The following NXPH1 variants were observed in gnomAD, a reference collection of about 807,000 sequenced individuals.
The protein encoded by NXPH1 is neurexophilin 1.
A neutral mutation model predicts 23.7 loss-of-function variants in NXPH1; 5 were observed. The ratio of observed to expected loss-of-function variants is 0.21; its 90% CI spans 0.11 to 0.44. NXPH1 has a LOEUF of 0.44. Among genes scored for constraint, NXPH1 ranks in the 20% least tolerant of loss-of-function variants. The pLI is 0.99. For missense variants in NXPH1, 324 were observed against 321.6 expected (o/e 1.01, Z -0.06); for synonymous variants, 144 against 122.2 (o/e 1.18, Z -1.18).
intron 2 of NXPH1, among the ~76,000 whole-genome samples, chr7:8,505,200 T>A (rs1232009940): frequency 1.3e-5 from 2 of 152,088 alleles, no homozygotes; most frequent in African/African-American, 4.8e-5. Context: ...GCTGGCTTGA[T>A]ACTTTCTATA....
intron 2 of NXPH1, among the ~76,000 whole-genome samples, chr7:8,506,274 C>T (rs1449379661): frequency 6.6e-6 from 1 of 152,068 alleles, no homozygotes; most frequent in Admixed American, 6.6e-5. Context: ...CAAGGGAAGA[C>T]CAAAGAGTCA....
At chr7:8,705,683 G>A (rs1038131659) in intron 2 of NXPH1, among the ~76,000 whole-genome samples, 1 of 152,088 alleles carries the variant, frequency 6.6e-6, no homozygotes. Context: ...CTTTGGACGT[G>A]GTGCACAGTA....
At chr7:8,525,482 C>G (rs1311747997) in intron 2 of NXPH1, among the ~76,000 whole-genome samples, 2 of 152,192 alleles carry the variant, frequency 1.3e-5, no homozygotes, top group African/African-American at 2.4e-5. Flanking sequence ...AGCAAGGAGC[C>G]TAATGTTAAT....
At chr7:8,584,047 ACTATG>A (rs1375694860) in intron 2 of NXPH1, among the ~76,000 whole-genome samples, 1 of 152,206 alleles carries the variant, frequency 6.6e-6, no homozygotes, top group Non-Finnish European at 1.5e-5. Context: ...TTCAGATATT[ACTATG>A]CATTGGATGC....
chr7:8,609,947 T>C (rs984215996), intron 2 of NXPH1, among the ~76,000 whole-genome samples: 3 of 152,166 alleles, frequency 2.0e-5, no homozygotes, highest in African/African-American at 7.2e-5. Context: ...GAAGAAGGTA[T>C]TGCATTATTA....
At chr7:8,450,063 A>G (rs926654084) in intron 2 of NXPH1, among the ~76,000 whole-genome samples, 5 of 152,252 alleles carry the variant, frequency 3.3e-5, no homozygotes, top group Non-Finnish European at 7.3e-5. Flanking sequence ...AGACTGGGAC[A>G]TAAAGTACAA....
At chr7:8,464,138 A>G (rs1816739820) in intron 2 of NXPH1, among the ~76,000 whole-genome samples, 1 of 151,744 alleles carries the variant, frequency 6.6e-6, no homozygotes, top group African/African-American at 2.4e-5. Flanking sequence ...TCTCCCCCAT[A>G]TCTAATCAGC....
intron 2 of NXPH1, among the ~76,000 whole-genome samples, chr7:8,468,550 C>T (rs1164403865): frequency 6.6e-6 from 1 of 151,906 alleles, no homozygotes; most frequent in African/African-American, 2.4e-5. Context: ...TATCCCATGT[C>T]CTGCTATCTT....
In NXPH1 at chr7:8,737,597, A is replaced by G. The variant is rs1368864388; in HGVS notation, c.55-13411A>G. Among the ~76,000 whole-genome samples, 4 of 152,056 alleles carry G rather than the reference A, an allele frequency of 2.6e-5. No individual in the cohort carries two copies. In the East Asian group the frequency reaches 7.7e-4, roughly 29 times the overall value. On this transcript the variant is annotated intron_variant, in intron 2 of 2. Transcript: ENST00000405863. ...CTTCATTTCAACCTTGGTGAATCTGACAATTATGTGTCTTGGGATGGCTCT... is the reference window on the plus strand; with the variant it reads ...CTTCATTTCAACCTTGGTGAATCTGGCAATTATGTGTCTTGGGATGGCTCT...
intron 2 of NXPH1, among the ~76,000 whole-genome samples, chr7:8,750,409 C>T (rs142237141): frequency 7.1e-4 from 108 of 152,200 alleles, no homozygotes; most frequent in African/African-American, 2.4e-3. Flanking sequence ...TGGTGTTTTG[C>T]CGCACCTATT....
At chr7:8,638,253 A>C (rs200279707) in intron 2 of NXPH1, among the ~76,000 whole-genome samples, 18 of 152,296 alleles carry the variant, frequency 1.2e-4, no homozygotes, top group African/African-American at 3.8e-4. Flanking sequence ...CGGCAACCAC[A>C]TCCGACAGCT....
At chr7:8,745,264 G>A (rs890897942) in intron 2 of NXPH1, among the ~76,000 whole-genome samples, 1 of 152,136 alleles carries the variant, frequency 6.6e-6, no homozygotes, top group Non-Finnish European at 1.5e-5. Context: ...TATGAGATAT[G>A]TATACATTGT....
intron 2 of NXPH1, among the ~76,000 whole-genome samples, chr7:8,628,704 C>A (rs993560008): frequency 6.6e-5 from 10 of 151,750 alleles, no homozygotes; most frequent in African/African-American, 2.4e-4. Flanking sequence ...TACAAAAAGC[C>A]TGATGTATTT....
chr7:8,554,819 T>C (rs1818331210), intron 2 of NXPH1, among the ~76,000 whole-genome samples: 1 of 151,764 alleles, frequency 6.6e-6, no homozygotes, highest in African/African-American at 2.4e-5. Flanking sequence ...AACAAGACTT[T>C]AAGGATTTAA....
chr7:8,435,646 G>T lies in NXPH1; in HGVS notation c.-68G>T. ...TTGCTCTGTAAAGTGGATGTCAGGT[G>T]GATCTATGTTTCTGAAGGAACAAAG... is the stretch of plus-strand genomic sequence containing the variant. On this transcript the variant is annotated 5_prime_UTR_variant, in exon 2 of 3. An upstream open reading frame in the 5' UTR gains an earlier in-frame stop. Transcript: ENST00000405863. The surrounding 1 kb of genome is among the most constrained non-coding windows in gnomAD (Gnocchi z 5.9). The T allele has an allele frequency of 1.4e-6, 2 of 1,419,722 alleles. No homozygotes were observed. Among genetic ancestry groups the T allele is most frequent in the Non-Finnish European group, 2.0e-6 (2 of 1,002,916 alleles). The allele number at this position is 1,419,722 out of a possible 1,614,324, so 87.9% of individuals were successfully genotyped here.
chr7:8,601,900 C>A (rs1479827399), intron 2 of NXPH1, among the ~76,000 whole-genome samples: 1 of 152,178 alleles, frequency 6.6e-6, no homozygotes, highest in Non-Finnish European at 1.5e-5. Context: ...AAATCAGTTA[C>A]AATAAAAGTC....
chr7:8,549,627 T>A (rs1474314938), intron 2 of NXPH1, among the ~76,000 whole-genome samples: 1 of 151,558 alleles, frequency 6.6e-6, no homozygotes, highest in African/African-American at 2.4e-5. Context: ...TTTTGGAATT[T>A]TGTAAAGATA....
chr7:8,709,055 T>G (rs1007451185), intron 2 of NXPH1, among the ~76,000 whole-genome samples: 11 of 152,210 alleles, frequency 7.2e-5, no homozygotes, highest in Admixed American at 4.6e-4. Flanking sequence ...TATGATAAAG[T>G]TTATTTATCT....
At position 8,630,761 on chromosome 7, in the gene NXPH1, G is replaced by T. The variant is rs182812935; in HGVS notation, c.55-120247G>T. 4.1e-3 allele frequency among the ~76,000 whole-genome samples: 626 copies of T among 152,168 alleles called. 3 individuals carry two copies. Among genetic ancestry groups the T allele is most frequent in the South Asian group, 9.1e-3 (44 of 4,812 alleles). On this transcript the variant is annotated intron_variant, in intron 2 of 2. Coordinates refer to ENST00000405863, the MANE Select transcript of NXPH1 (RefSeq NM_152745.3). ...TATTGTTTGAAATTACAAATGCTGG[G>T]TTTTTTCTCCTTTTTTAACTTTTAA...
Sources: allele counts gnomAD v4.1 joint callset (sites outside exome capture counted in the v4.1 genomes callset), GRCh38; gene constraint gnomAD v4.1.1; non-coding constraint Gnocchi (gnomAD v3.1); transcripts MANE v1.5; gene names NCBI Gene and HGNC (gene_info 2026-07-23, HGNC 2026-07-21).